The following PTPRD variants were observed in gnomAD, a reference collection of about 807,000 sequenced individuals.
The protein encoded by PTPRD is receptor-type tyrosine-protein phosphatase delta.
Under a neutral mutation model 214.5 loss-of-function variants are expected in PTPRD, and 34 were observed. The ratio of observed to expected loss-of-function variants is 0.16; its 90% CI spans 0.12 to 0.21. The LOEUF (loss-of-function observed/expected upper bound fraction) is 0.21, where lower values mean the gene tolerates loss of function less well. Ranked by LOEUF, PTPRD falls within the 10% of genes least tolerant of loss-of-function variation. The pLI is 1.00. For synonymous variants in PTPRD, 1,128 were observed against 845.7 expected (o/e 1.33, Z -5.79); for missense variants, 2,545 against 2,398.7 (o/e 1.06, Z -1.27).
At chr9:10,048,430 T>C (rs531685157) in intron 3 of PTPRD, among the ~76,000 whole-genome samples, 1 of 152,146 alleles carries the variant, frequency 6.6e-6, no homozygotes, top group South Asian at 2.1e-4. Flanking sequence ...GCTTCTTATA[T>C]AATCTTTGAC....
intron 7 of PTPRD, among the ~76,000 whole-genome samples, chr9:9,645,672 A>G (rs2096135203): frequency 6.6e-6 from 1 of 151,590 alleles, no homozygotes; most frequent in African/African-American, 2.4e-5. Context: ...CTTTCCTCTG[A>G]TTGATATTTT....
At chr9:9,317,672 T>C (rs947712954) in intron 9 of PTPRD, among the ~76,000 whole-genome samples, 8 of 152,156 alleles carry the variant, frequency 5.3e-5, no homozygotes, top group Admixed American at 4.6e-4. Flanking sequence ...TCAGTTTTGA[T>C]TGTTATTCCA....
At chr9:10,157,835 A>G (rs1351579552) in intron 3 of PTPRD, among the ~76,000 whole-genome samples, 1 of 151,864 alleles carries the variant, frequency 6.6e-6, no homozygotes, top group African/African-American at 2.4e-5. Context: ...TTTATTTATT[A>G]TTTTTTATTC....
intron 9 of PTPRD, among the ~76,000 whole-genome samples, chr9:9,255,688 A>G (rs1390794809): frequency 2.0e-5 from 3 of 152,064 alleles, no homozygotes; most frequent in African/African-American, 7.2e-5. Flanking sequence ...ATACTGCAAA[A>G]AAGTTTTACA....
intron 19 of PTPRD, among the ~76,000 whole-genome samples, chr9:8,522,985 T>C (rs1199808436): frequency 1.3e-5 from 2 of 152,154 alleles, no homozygotes; most frequent in African/African-American, 4.8e-5. Context: ...AATGGCCTCA[T>C]GGGTGAATGA....
chr9:9,367,641 AT>A (rs1317138350), intron 9 of PTPRD, among the ~76,000 whole-genome samples: 2 of 151,648 alleles, frequency 1.3e-5, no homozygotes, highest in Non-Finnish European at 1.5e-5. Context: ...CAGAAGTTAA[AT>A]TTTTAGGCTA....
Position 10,080,990 on chromosome 9 carries a change from G to C in PTPRD, c.-544-47200C>G, listed in dbSNP as rs576224071. On this transcript the variant is annotated intron_variant, in intron 3 of 45. Coordinates refer to ENST00000381196, the MANE Select transcript of PTPRD (RefSeq NM_002839.4). ...TATCTCTTATTTTAAGAGACTGTAG[G>C]TACATCATTTGAGTAAATTATAATA... Among the ~76,000 whole-genome samples, 85 of 151,886 alleles carry C rather than the reference G, an allele frequency of 5.6e-4. 1 individual carries two copies. Among genetic ancestry groups the C allele is most frequent in the Non-Finnish European group, 1.0e-3 (69 of 67,938 alleles).
chr9:9,488,217 A>T (rs1252864919), intron 8 of PTPRD, among the ~76,000 whole-genome samples: 1 of 152,214 alleles, frequency 6.6e-6, no homozygotes, highest in East Asian at 1.9e-4. Context: ...TTGCTTCACA[A>T]GCATACTATG....
At position 9,166,139 on chromosome 9, in the gene PTPRD, A is replaced by AT. The variant is rs5896304; in HGVS notation, c.-143+17164dup. Among the ~76,000 whole-genome samples, 1,237 of 141,018 alleles carry AT rather than the reference A, an allele frequency of 8.8e-3. 15 individuals are homozygous for AT. Among genetic ancestry groups the AT allele is most frequent in the African/African-American group, 0.025 (966 of 37,920 alleles). 92.5% of individuals were successfully genotyped at this position (141,018 alleles called of 152,430 possible). ...TGAATATATCAAGACTCTGGGTTTG[A>AT]TTTTTTTTTTTTTTTTTAAGTTGAA... On this transcript the variant is annotated intron_variant, in intron 10 of 45. Transcript: ENST00000381196.
intron 2 of PTPRD, among the ~76,000 whole-genome samples, chr9:10,473,311 A>G (rs2099042989): frequency 6.6e-6 from 1 of 152,124 alleles, no homozygotes; most frequent in Non-Finnish European, 1.5e-5. Flanking sequence ...TTCACATACC[A>G]AAAAGCACAT....
chr9:10,075,560 C>T (rs947173949), intron 3 of PTPRD, among the ~76,000 whole-genome samples: 1 of 151,592 alleles, frequency 6.6e-6, no homozygotes, highest in African/African-American at 2.4e-5. Context: ...GGATTTTAAT[C>T]AGTTTTGTTC....
In PTPRD at chr9:10,594,179, A is replaced by C. The variant is rs1436107544; in HGVS notation, c.-600+18219T>G. 2.6e-5 allele frequency among the ~76,000 whole-genome samples: 4 copies of C among 152,002 alleles called. No individual in the cohort carries two copies. The East Asian group carries it at 5.8e-4, about 22-fold the overall frequency. On this transcript the variant is annotated intron_variant, in intron 2 of 45. Coordinates refer to ENST00000381196, the MANE Select transcript of PTPRD (RefSeq NM_002839.4). Reference sequence around the variant, plus strand: ...ACAAGCAGATTACATAATCTACTTTACTATAATTACAGAGGACACTTTACT... The same window carrying C: ...ACAAGCAGATTACATAATCTACTTTCCTATAATTACAGAGGACACTTTACT...
intron 7 of PTPRD, among the ~76,000 whole-genome samples, chr9:9,629,985 T>C (rs114210567): frequency 1.3e-5 from 2 of 152,040 alleles, no homozygotes; most frequent in African/African-American, 2.4e-5. Flanking sequence ...CCTCCCTTTT[T>C]TTTCCAGCTT....
At chr9:10,210,803 ATATATATATATATATATATGTATG>A (rs1371301480) in intron 3 of PTPRD, among the ~76,000 whole-genome samples, 7 of 87,574 alleles carry the variant, frequency 8.0e-5, no homozygotes, top group African/African-American at 3.4e-4. Flanking sequence ...CTTCATATAT[ATATATATATATATATATATGTATG>A]TATGTATGTA....
chr9:8,761,125 C>T (rs1219305920), intron 11 of PTPRD, among the ~76,000 whole-genome samples: 2 of 152,090 alleles, frequency 1.3e-5, no homozygotes, highest in Non-Finnish European at 2.9e-5. Flanking sequence ...AAGCTGATTT[C>T]ATTTATTTGC....
chr9:8,423,230 C>T (rs1023904492), intron 35 of PTPRD, among the ~76,000 whole-genome samples: 2 of 152,164 alleles, frequency 1.3e-5, no homozygotes, highest in Non-Finnish European at 2.9e-5. Context: ...CCTCGTCAAT[C>T]CGGCTCAATA....
intron 11 of PTPRD, among the ~76,000 whole-genome samples, chr9:8,823,999 C>T (rs1230845742): frequency 1.3e-5 from 2 of 152,228 alleles, no homozygotes; most frequent in East Asian, 3.9e-4. Context: ...CCTGATGTTG[C>T]CATGGCATTT....
intron 11 of PTPRD, among the ~76,000 whole-genome samples, chr9:8,907,625 G>C (rs1240799871): frequency 6.7e-6 from 1 of 149,638 alleles, no homozygotes; most frequent in Non-Finnish European, 1.5e-5. Flanking sequence ...AAAACAACTA[G>C]ATGGAAATTT....
In PTPRD at chr9:8,485,403, G is replaced by A. The variant is rs535571640; in HGVS notation, c.3056-79C>T. Reference sequence around the variant, plus strand: ...GTCCTTTCCACCATGGACCATAGGGGCTTATGCTAGATGCTGTCTACTTTG... The same window carrying A: ...GTCCTTTCCACCATGGACCATAGGGACTTATGCTAGATGCTGTCTACTTTG... On this transcript the variant is annotated intron_variant, in intron 28 of 45. Coordinates refer to ENST00000381196, the MANE Select transcript of PTPRD (RefSeq NM_002839.4). 1.5e-4 allele frequency: 142 copies of A among 941,696 alleles called. 1 individual carries two copies. The African/African-American group carries it at 2.1e-3, about 14-fold the overall frequency. The allele number at this position is 941,696 out of a possible 1,614,324, so 58.3% of individuals were successfully genotyped here. A position where few individuals can be genotyped will look rare whatever the true frequency, so the allele number is the denominator to read the frequency against.
Sources: allele counts gnomAD v4.1 joint callset (sites outside exome capture counted in the v4.1 genomes callset), GRCh38; gene constraint gnomAD v4.1.1; transcripts MANE v1.5; gene names NCBI Gene and HGNC (gene_info 2026-07-23, HGNC 2026-07-21).